The following MAML2 variants were observed in gnomAD, a reference collection of about 807,000 sequenced individuals.
The protein encoded by MAML2 is mastermind like transcriptional coactivator 2, also known as mastermind-like protein 2.
MAML2 carries 22 observed loss-of-function variants against 96.1 expected under a neutral mutation model. The ratio of observed to expected loss-of-function variants is 0.23; its 90% CI spans 0.16 to 0.33. MAML2 has a LOEUF of 0.33. MAML2 is among the 10% of genes least tolerant of loss of function. The probability of loss-of-function intolerance (pLI) is 1.00; values close to 1 mark genes in which losing one functional copy is unlikely to be tolerated. For synonymous variants in MAML2, 561 were observed against 521.3 expected, an observed-to-expected ratio of 1.08 and a Z score of -1.04; for missense variants, 1,367 against 1,392.4, an observed-to-expected ratio of 0.98 and a Z score of 0.29.
intron 1 of MAML2, among the ~76,000 whole-genome samples, chr11:96,314,195 G>A (rs1174880401): frequency 6.6e-6 from 1 of 152,242 alleles, no homozygotes; most frequent in African/African-American, 2.4e-5. Context: ...CCTGGGTGAT[G>A]TGATTTAAAG....
rs981820927 is a variant in MAML2, at chr11:96,007,521, A to G, written c.2140-15798T>C. 2.6e-5 allele frequency among the ~76,000 whole-genome samples: 4 copies of G among 152,146 alleles called. No homozygotes were observed. The East Asian group carries it at 5.8e-4, about 22-fold the overall frequency. On this transcript the variant is annotated intron_variant, in intron 2 of 4. Transcript: ENST00000524717. ...TATCTTGCATTATCTGCTAACGAAT[A>G]TATCAATTGTTTATTTACATGTATG...
chr11:96,334,924 CT>C (rs775799955), intron 1 of MAML2, among the ~76,000 whole-genome samples: 1 of 152,208 alleles, frequency 6.6e-6, no homozygotes, highest in Non-Finnish European at 1.5e-5. Flanking sequence ...ATGTGAACTT[CT>C]CTCTTCATGT....
intron 1 of MAML2, among the ~76,000 whole-genome samples, chr11:96,130,027 T>C (rs1419015055): frequency 6.6e-6 from 1 of 152,274 alleles, no homozygotes; most frequent in Non-Finnish European, 1.5e-5. Context: ...AGCCCAGGTA[T>C]ATTATAATGA....
intron 1 of MAML2, among the ~76,000 whole-genome samples, chr11:96,113,698 T>C (rs895754815): frequency 6.6e-6 from 1 of 150,622 alleles, no homozygotes; most frequent in Non-Finnish European, 1.5e-5. Flanking sequence ...AAAAGAAAAA[T>C]AGGAGGCTTT....
At chr11:96,190,170 G>T (rs1565243006) in intron 1 of MAML2, among the ~76,000 whole-genome samples, 1 of 152,178 alleles carries the variant, frequency 6.6e-6, no homozygotes, top group Non-Finnish European at 1.5e-5. Flanking sequence ...GACATTTGAT[G>T]TGAGGTGAGG....
At chr11:96,274,455 T>C (rs985033653) in intron 1 of MAML2, among the ~76,000 whole-genome samples, 9 of 152,214 alleles carry the variant, frequency 5.9e-5, no homozygotes, top group African/African-American at 2.2e-4. Flanking sequence ...CTACTATAGC[T>C]TTCCTGTTGT....
At chr11:96,209,724 C>G (rs1861942903) in intron 1 of MAML2, among the ~76,000 whole-genome samples, 1 of 152,126 alleles carries the variant, frequency 6.6e-6, no homozygotes, top group African/African-American at 2.4e-5. Flanking sequence ...CTGTAGGCTC[C>G]TTTAATTGTA....
intron 1 of MAML2, among the ~76,000 whole-genome samples, chr11:96,214,646 T>C (rs768208918): frequency 2.0e-5 from 3 of 152,182 alleles, no homozygotes; most frequent in Non-Finnish European, 4.4e-5. Context: ...GAGAAGCACT[T>C]ATAGTCATGC....
chr11:96,151,537 T>G (rs1860922321), intron 1 of MAML2, among the ~76,000 whole-genome samples: 1 of 152,202 alleles, frequency 6.6e-6, no homozygotes, highest in African/African-American at 2.4e-5. Context: ...TGAGGCCTGG[T>G]GGGAGGTGAT....
At chr11:96,064,147 T>C (rs1859209905) in intron 2 of MAML2, among the ~76,000 whole-genome samples, 1 of 152,198 alleles carries the variant, frequency 6.6e-6, no homozygotes, top group Non-Finnish European at 1.5e-5. Flanking sequence ...ATATTTACCC[T>C]ACAAATTACG....
At chr11:96,114,964 G>A (rs1043358108) in intron 1 of MAML2, among the ~76,000 whole-genome samples, 5 of 152,126 alleles carry the variant, frequency 3.3e-5, no homozygotes, top group Admixed American at 1.3e-4. Flanking sequence ...AGAGGCAGCC[G>A]GTATGGAGGT....
chr11:96,264,332 T>C (rs543223010), intron 1 of MAML2, among the ~76,000 whole-genome samples: 1 of 152,310 alleles, frequency 6.6e-6, no homozygotes, highest in South Asian at 2.1e-4. Context: ...AAACCCTGAC[T>C]TTTGCATGCT....
At chr11:95,980,450 A>C (rs1294063678) in intron 4 of MAML2, among the ~76,000 whole-genome samples, 1 of 152,072 alleles carries the variant, frequency 6.6e-6, no homozygotes, top group Non-Finnish European at 1.5e-5. Flanking sequence ...CCATTCTTTG[A>C]ATCATCCCCA....
At chr11:96,298,439 C>A (rs1863332285) in intron 1 of MAML2, among the ~76,000 whole-genome samples, 1 of 152,058 alleles carries the variant, frequency 6.6e-6, no homozygotes, top group South Asian at 2.1e-4. Flanking sequence ...AGAAGAACAT[C>A]CTTTCCTCTG....
chr11:96,029,988 C>T (rs1359836314), intron 2 of MAML2, among the ~76,000 whole-genome samples: 1 of 152,174 alleles, frequency 6.6e-6, no homozygotes, highest in Non-Finnish European at 1.5e-5. Flanking sequence ...AATCCCAGCA[C>T]TTTGGGAGGC....
chr11:96,109,192 A>G (rs1484371196), intron 1 of MAML2, among the ~76,000 whole-genome samples: 1 of 152,170 alleles, frequency 6.6e-6, no homozygotes, highest in Non-Finnish European at 1.5e-5. Context: ...GTAGGCCCTC[A>G]GAGAACTAGA....
rs1402366283 is a variant in MAML2, at chr11:96,152,249, A to G, written c.514-58732T>C. Reference sequence around the variant, plus strand: ...AGAATAGGTGAAAAAGAGTAACTGCATATTGTTATCAACAGCAAAAGAAAT... The same window carrying G: ...AGAATAGGTGAAAAAGAGTAACTGCGTATTGTTATCAACAGCAAAAGAAAT... On this transcript the variant is annotated intron_variant, in intron 1 of 4. Transcript: ENST00000524717. Among the ~76,000 whole-genome samples, 3 of 152,244 alleles carry G rather than the reference A, an allele frequency of 2.0e-5. No individual in the cohort carries two copies. The East Asian group carries it at 5.8e-4, about 29-fold the overall frequency.
intron 1 of MAML2, among the ~76,000 whole-genome samples, chr11:96,195,479 A>G (rs145949733): frequency 2.6e-5 from 4 of 152,188 alleles, no homozygotes; most frequent in African/African-American, 4.8e-5. Flanking sequence ...AGGAAGACAA[A>G]TGTGATTCTT....
At chr11:96,277,644 T>A (rs1421713973) in intron 1 of MAML2, among the ~76,000 whole-genome samples, 1 of 147,316 alleles carries the variant, frequency 6.8e-6, no homozygotes, top group Non-Finnish European at 1.5e-5. Flanking sequence ...CCCAGCTATC[T>A]GGGAGGCTGA....
Sources: gnomAD v4.1 joint callset for allele counts (sites outside exome capture counted in the v4.1 genomes callset) on GRCh38, gnomAD v4.1.1 for gene constraint, MANE v1.5 for transcripts, NCBI Gene and HGNC (gene_info 2026-07-23, HGNC 2026-07-21) for gene names.